The following NF1 variants were observed in gnomAD, a reference collection of about 807,000 sequenced individuals.
NF1 encodes neurofibromin 1, also known as neurofibromin.
Under a neutral mutation model 325.7 loss-of-function variants are expected in NF1, and 122 were observed. The ratio of observed to expected loss-of-function variants is 0.37; its 90% CI spans 0.32 to 0.44. The LOEUF is 0.44. Ranked by LOEUF, NF1 falls within the 20% of genes least tolerant of loss-of-function variation. The pLI, the probability that NF1 is intolerant of heterozygous loss-of-function variation, is 1.00. For synonymous variants in NF1, 1,091 were observed against 1,186.0 expected, an observed-to-expected ratio of 0.92 and a Z score of 1.65; for missense variants, 2,140 against 3,415.4, an observed-to-expected ratio of 0.63 and a Z score of 9.31.
At chr17:31,354,123 A>T (rs2070215441) in intron 51 of NF1, among the ~76,000 whole-genome samples, 1 of 152,240 alleles carries the variant, frequency 6.6e-6, no homozygotes, top group Non-Finnish European at 1.5e-5. Flanking sequence ...TGAAAAAGAT[A>T]AGGTAACTGC....
chr17:31,163,064 A>G, intron 3 of NF1, 122 bp from the exon 4 acceptor site: 1 of 814,628 alleles, frequency 1.2e-6, no homozygotes, highest in Non-Finnish European at 2.0e-6. Context: ...TGTTAAATCT[A>G]GGTGGTGTGT....
At chr17:31,148,392 G>A (rs1350637758) in intron 1 of NF1, among the ~76,000 whole-genome samples, 1 of 111,714 alleles carries the variant, frequency 9.0e-6, no homozygotes, top group Non-Finnish European at 2.0e-5. Context: ...GGGTCATTAT[G>A]TCTTTTTTTT....
intron 29 of NF1, among the ~76,000 whole-genome samples, chr17:31,246,727 G>A (rs574745499): frequency 1.3e-5 from 2 of 152,212 alleles, no homozygotes; most frequent in East Asian, 3.9e-4. Context: ...CATAAAGTAG[G>A]CATTATTAGT....
At chr17:31,170,367 A>G (rs1283188462) in intron 5 of NF1, among the ~76,000 whole-genome samples, 1 of 152,238 alleles carries the variant, frequency 6.6e-6, no homozygotes, top group Non-Finnish European at 1.5e-5. Context: ...GATTGTCTGT[A>G]GTAGGATATC....
chr17:31,356,634 A>G (rs527634540), intron 52 of NF1, 52 bp downstream of exon 52: 5 of 1,606,376 alleles, frequency 3.1e-6, no homozygotes, highest in East Asian at 2.2e-5. Flanking sequence ...GGGAGAGTAC[A>G]TGAAAGTCAT....
chr17:31,375,039 T>G lies in NF1; in HGVS notation c.*884T>G, dbSNP rs1424392252. 1 of 205,950 alleles carries G rather than the reference T, an allele frequency of 4.9e-6. No individual in the cohort carries two copies. Among genetic ancestry groups the G allele is most frequent in the Non-Finnish European group, 9.9e-6 (1 of 100,562 alleles). The allele number at this position is 205,950 out of a possible 1,614,324, so 12.8% of individuals were successfully genotyped here. On this transcript the variant is annotated 3_prime_UTR_variant, in exon 58 of 58. Coordinates refer to ENST00000358273, the MANE Select transcript of NF1 (RefSeq NM_001042492.3). Reference sequence around the variant, plus strand: ...ATATATATATATATATTTTTTCCCCTCCCCCTCTTCTTTCCTAACTAATTC... The same window carrying G: ...ATATATATATATATATTTTTTCCCCGCCCCCTCTTCTTTCCTAACTAATTC...
intron 36 of NF1, chr17:31,299,369 G>A (rs1037708368): frequency 1.3e-5 from 2 of 151,934 alleles, no homozygotes; most frequent in Non-Finnish European, 2.9e-5. Flanking sequence ...AGAGGCATAA[G>A]TATGTGTTAC....
rs141993578 is a variant in NF1 at position 31,309,148 on chromosome 17, G to A, written c.4836-16672G>A. On this transcript the variant is annotated intron_variant, in intron 36 of 57. Transcript: ENST00000358273. ...ACTCGAAGTGACAGATTGGGAGTTT[G>A]TACCCAGGGCCACCTGATTCCAAAG... 4.6e-3 allele frequency among the ~76,000 whole-genome samples: 699 copies of A among 152,276 alleles called. 6 individuals carry two copies. Among genetic ancestry groups the A allele is most frequent in the African/African-American group, 0.016 (664 of 41,546 alleles).
chr17:31,365,671 AG>A (rs896734588), intron 57 of NF1, among the ~76,000 whole-genome samples: 3 of 152,216 alleles, frequency 2.0e-5, no homozygotes, highest in Non-Finnish European at 2.9e-5. Context: ...CTTAGACCCC[AG>A]GGGAGCAGAG....
rs780674112 is a variant in NF1 at position 31,095,385 on chromosome 17, C to T, written c.60+16C>T. On this transcript the variant is annotated intron_variant, in intron 1 of 57. Coordinates refer to ENST00000358273, the MANE Select transcript of NF1 (RefSeq NM_001042492.3). ...CGACGAGCAGGTAACCGGCCCGTGG[C>T]GGGCGGGAGGTGGGAGCGGAGTGGG... is the stretch of plus-strand genomic sequence containing the variant. 6.5e-7 allele frequency: 1 copy of T among 1,537,116 alleles called. No homozygotes were observed. Among genetic ancestry groups the T allele is most frequent in the East Asian group, 2.4e-5 (1 of 40,926 alleles).
At chr17:31,274,958 A>G (rs2067975550) in intron 36 of NF1, among the ~76,000 whole-genome samples, 1 of 152,134 alleles carries the variant, frequency 6.6e-6, no homozygotes, top group African/African-American at 2.4e-5. Context: ...GGTTAATTGT[A>G]TCATCACCTA....
intron 11 of NF1, among the ~76,000 whole-genome samples, chr17:31,204,391 T>A (rs2066584257): frequency 6.6e-6 from 1 of 152,090 alleles, no homozygotes; most frequent in Non-Finnish European, 1.5e-5. Context: ...TCATATTATG[T>A]AAGTGTTGCC....
intron 11 of NF1, among the ~76,000 whole-genome samples, chr17:31,204,179 G>A (rs1168609294): frequency 2.0e-5 from 3 of 151,990 alleles, no homozygotes; most frequent in African/African-American, 7.2e-5. Flanking sequence ...AATTATCTTA[G>A]CCATCACTGG....
chr17:31,098,569 G>A (rs34941185), intron 1 of NF1, among the ~76,000 whole-genome samples: 80,986 of 151,920 alleles, frequency 0.53, 25,662 homozygotes, highest in Middle Eastern at 0.76. Flanking sequence ...GATTACAGGC[G>A]TGAGCCATCG....
At chr17:31,362,232 A>G in intron 57 of NF1, 2 of 847,032 alleles carry the variant, frequency 2.4e-6, no homozygotes, top group Non-Finnish European at 2.8e-6. Flanking sequence ...CTTGCCCATT[A>G]TCAGCATTTC....
intron 1 of NF1, among the ~76,000 whole-genome samples, chr17:31,111,440 C>A (rs572994873): frequency 1.3e-5 from 2 of 152,056 alleles, no homozygotes; most frequent in Non-Finnish European, 2.9e-5. Context: ...AAGAAAACTA[C>A]ACTTAGCATA....
intron 1 of NF1, among the ~76,000 whole-genome samples, chr17:31,143,920 C>T (rs1374350884): frequency 3.9e-5 from 6 of 152,080 alleles, no homozygotes; most frequent in Non-Finnish European, 5.9e-5. Flanking sequence ...CTCCTGGGTT[C>T]ATGCCATTCT....
chr17:31,173,722 G>C (rs1567822506), intron 5 of NF1, among the ~76,000 whole-genome samples: 2 of 152,220 alleles, frequency 1.3e-5, no homozygotes, highest in African/African-American at 4.8e-5. Flanking sequence ...AGGAAAGGTT[G>C]ATGGCAGAAG....
At position 31,360,817 on chromosome 17, in the gene NF1, C is replaced by T. The variant is rs112398488; in HGVS notation, c.8377+114C>T. ...TTGCTCCTTTTTCTTATGAGATTCA[C>T]CTTACATTTCTTCTTTACCTTGTAA... On this transcript the variant is annotated intron_variant, in intron 57 of 57. Transcript: ENST00000358273. 759 of 875,198 alleles carry T rather than the reference C, an allele frequency of 8.7e-4. 9 individuals are homozygous for T. In the African/African-American group the frequency reaches 0.011, roughly 13 times the overall value. The allele number at this position is 875,198 out of a possible 1,614,324, so 54.2% of individuals were successfully genotyped here.
Sources: allele counts gnomAD v4.1 joint callset (sites outside exome capture counted in the v4.1 genomes callset), GRCh38; gene constraint gnomAD v4.1.1; transcripts MANE v1.5; gene names NCBI Gene and HGNC (gene_info 2026-07-23, HGNC 2026-07-21).